Variants in IFT74 observed in about 807,000 individuals in gnomAD.
The protein encoded by IFT74 is intraflagellar transport 74, also known as intraflagellar transport protein 74 homolog.
IFT74 carries 92 observed loss-of-function variants against 96.7 expected under a neutral mutation model. The observed-to-expected ratio is 0.95, with a 90% CI of 0.80 to 1.13. IFT74 has a LOEUF of 1.13. IFT74 is among the 50% of genes most tolerant of loss of function. IFT74 has a pLI of 0.00. For missense variants in IFT74, 811 were observed against 698.2 expected (o/e 1.16, Z -1.82); for synonymous variants, 223 against 213.2 (o/e 1.05, Z -0.40).
At chr9:27,029,198 G>C in intron 13 of IFT74, 94 bp downstream of exon 13, 1 of 832,904 alleles carries the variant, frequency 1.2e-6, no homozygotes, top group East Asian at 2.8e-5. Flanking sequence ...TCAACTACCT[G>C]GGATTTATTA....
intron 13 of IFT74, among the ~76,000 whole-genome samples, 185 bp from the exon 14 acceptor site, chr9:27,044,557 A>G (rs1303967346): frequency 3.3e-5 from 5 of 152,180 alleles, no homozygotes; most frequent in Admixed American, 3.3e-4. Flanking sequence ...TGTTCCACAT[A>G]TTCAAGTTAC....
chr9:27,050,261 G>T (rs1056278415), intron 16 of IFT74, among the ~76,000 whole-genome samples: 2 of 152,162 alleles, frequency 1.3e-5, no homozygotes, highest in Admixed American at 6.5e-5. Flanking sequence ...GTTTCACCAT[G>T]TTTTCCAGGC....
At chr9:26,987,942 T>TTTTTTG (rs1827705946) in intron 6 of IFT74, among the ~76,000 whole-genome samples, 1 of 151,916 alleles carries the variant, frequency 6.6e-6, no homozygotes. Context: ...AAATTTGTTT[T>TTTTTTG]TTGTTGTTGT....
chr9:27,034,422 A>G (rs535952155), intron 13 of IFT74, among the ~76,000 whole-genome samples: 1 of 152,328 alleles, frequency 6.6e-6, no homozygotes, highest in Non-Finnish European at 1.5e-5. Context: ...ATACTTTTTC[A>G]TACTCAGAGT....
chr9:26,977,257 G>A (rs959333243), intron 2 of IFT74, among the ~76,000 whole-genome samples: 2 of 151,920 alleles, frequency 1.3e-5, no homozygotes, highest in African/African-American at 4.8e-5. Flanking sequence ...GGGCCTGTTG[G>A]TGCATGCCAC....
At chr9:26,967,449 GT>G (rs779621424) in intron 2 of IFT74, among the ~76,000 whole-genome samples, 6 of 152,064 alleles carry the variant, frequency 3.9e-5, no homozygotes, top group Non-Finnish European at 7.4e-5. Flanking sequence ...ATTTTTCTGA[GT>G]TTTACTGAAT....
In IFT74 at chr9:27,049,864, G is replaced by A. The variant is rs12348715; in HGVS notation, c.1333+1590G>A. ...ACTGTCCAAGAGAAATTTAATGACAGTATATATTATATTTATATAAAGTTT... is the reference window on the plus strand; with the variant it reads ...ACTGTCCAAGAGAAATTTAATGACAATATATATTATATTTATATAAAGTTT... On this transcript the variant is annotated intron_variant, in intron 16 of 19. Transcript: ENST00000380062. Among the ~76,000 whole-genome samples, 1,214 of 152,164 alleles carry A rather than the reference G, an allele frequency of 8.0e-3. 16 individuals carry two copies. Among genetic ancestry groups the A allele is most frequent in the African/African-American group, 0.028 (1,144 of 41,500 alleles).
Position 27,047,970 on chromosome 9 carries a change from T to C in IFT74, c.1207-178T>C, listed in dbSNP as rs531708191. ...CAATTTTGAATTTATAGTCTGTCTT[T>C]ATTGAGAAAACCCAATTTGGAATCT... On this transcript the variant is annotated intron_variant, in intron 15 of 19. Coordinates refer to ENST00000380062, the MANE Select transcript of IFT74 (RefSeq NM_025103.4). Among the ~76,000 whole-genome samples, 3 of 152,332 alleles carry C rather than the reference T, an allele frequency of 2.0e-5. No homozygotes were observed. The East Asian group carries it at 5.8e-4, about 29-fold the overall frequency.
At chr9:26,983,792 T>TA (rs1320270904) in intron 4 of IFT74, 3 of 147,588 alleles carry the variant, frequency 2.0e-5, no homozygotes, top group African/African-American at 7.6e-5. Flanking sequence ...TTTTTTTTTT[T>TA]TTTTTTTCTG....
chr9:27,060,322 G>A lies in IFT74; in HGVS notation c.1624-269G>A, dbSNP rs575030323. 3.9e-5 allele frequency among the ~76,000 whole-genome samples: 6 copies of A among 151,992 alleles called. No individual in the cohort carries two copies. The South Asian group carries it at 6.2e-4, about 16-fold the overall frequency. ...TTTAGGGAAAGGAAAATCATAAATT[G>A]TCTTTCAGTTGGCATGTTCATTGGT... On this transcript the variant is annotated intron_variant, in intron 18 of 19. Coordinates refer to ENST00000380062, the MANE Select transcript of IFT74 (RefSeq NM_025103.4).
At chr9:27,045,120 G>A (rs1484260810) in intron 14 of IFT74, among the ~76,000 whole-genome samples, 5 of 152,222 alleles carry the variant, frequency 3.3e-5, no homozygotes, top group Non-Finnish European at 7.3e-5. Context: ...CCGCACACCA[G>A]GAGGTGAGCC....
chr9:27,024,385 C>G (rs891986536), intron 12 of IFT74, among the ~76,000 whole-genome samples: 1 of 152,184 alleles, frequency 6.6e-6, no homozygotes, highest in African/African-American at 2.4e-5. Flanking sequence ...CCCGGTAGCT[C>G]TGGTGGGTGG....
At chr9:27,017,164 A>G in intron 11 of IFT74, 114 bp downstream of exon 11, 1 of 672,136 alleles carries the variant, frequency 1.5e-6, no homozygotes, top group Non-Finnish European at 2.3e-6. Flanking sequence ...GTATTGTCTA[A>G]AAATAGTTTA....
rs750692632 is a variant in IFT74, at chr9:27,028,997, A to C, written c.975-28A>C. On this transcript the variant is annotated intron_variant, in intron 12 of 19. Transcript: ENST00000380062. ...TTTATTGAATGTCTATATTTCCTTC[A>C]TAAATTCATTAAAAATATTTTCAAC... is the stretch of plus-strand genomic sequence containing the variant. 12 of 1,548,516 alleles carry C rather than the reference A, an allele frequency of 7.7e-6. No homozygotes were observed. The Admixed American group carries it at 1.7e-4, about 23-fold the overall frequency.
At chr9:26,996,201 G>A (rs1040131610) in intron 8 of IFT74, 5 of 708,000 alleles carry the variant, frequency 7.1e-6, no homozygotes, top group Non-Finnish European at 1.0e-5. Flanking sequence ...TAGTTGAGAT[G>A]AGGAATCTTT....
intron 16 of IFT74, among the ~76,000 whole-genome samples, chr9:27,053,175 T>C (rs1411123764): frequency 6.9e-6 from 1 of 145,400 alleles, no homozygotes; most frequent in Admixed American, 6.9e-5. Context: ...TTTTTTTTTT[T>C]TTTTTTTTTT....
intron 8 of IFT74, chr9:27,005,659 A>G (rs563844896): frequency 6.0e-4 from 91 of 152,212 alleles, no homozygotes; most frequent in African/African-American, 2.0e-3. Context: ...GGCATTAAAA[A>G]AAGTACATCG....
intron 13 of IFT74, chr9:27,036,907 G>A: frequency 1.2e-6 from 1 of 802,858 alleles, no homozygotes; most frequent in Non-Finnish European, 1.5e-6. Flanking sequence ...AATTATTGCT[G>A]TGATTCATGA....
intron 8 of IFT74, chr9:26,995,860 A>AAAGT: frequency 3.2e-6 from 5 of 1,573,112 alleles, no homozygotes; most frequent in Non-Finnish European, 4.3e-6. Context: ...CTTTAATGGA[A>AAAGT]TACCAAGAGA....
Sources: allele counts gnomAD v4.1 joint callset (sites outside exome capture counted in the v4.1 genomes callset), GRCh38; gene constraint gnomAD v4.1.1; transcripts MANE v1.5; gene names NCBI Gene and HGNC (gene_info 2026-07-23, HGNC 2026-07-21).